MDGA2: variants seen among roughly 807,000 people sequenced by gnomAD.
MDGA2 encodes the protein MAM domain-containing glycosylphosphatidylinositol anchor protein 2.
Under a neutral mutation model 117.8 loss-of-function variants are expected in MDGA2, and 40 were observed. The ratio of observed to expected loss-of-function variants is 0.34; its 90% CI spans 0.26 to 0.44. MDGA2 has a LOEUF of 0.44. Among genes scored for constraint, MDGA2 ranks in the 20% least tolerant of loss-of-function variants. MDGA2 has a pLI of 1.00. For missense variants in MDGA2, 1,123 were observed against 1,250.6 expected, an observed-to-expected ratio of 0.90 and a Z score of 1.54; for synonymous variants, 452 against 439.0, an observed-to-expected ratio of 1.03 and a Z score of -0.37.
chr14:46,956,718 G>A (rs143009479), intron 9 of MDGA2, among the ~76,000 whole-genome samples: 2 of 151,824 alleles, frequency 1.3e-5, no homozygotes, highest in Non-Finnish European at 2.9e-5. Context: ...TATTATTATT[G>A]AAACACTCAA....
rs1893124870 is a variant in MDGA2 at position 47,446,473 on chromosome 14, G to A, written c.281-144923C>T. 3.9e-5 allele frequency among the ~76,000 whole-genome samples: 5 copies of A among 127,578 alleles called. No individual in the cohort carries two copies. In the South Asian group the frequency reaches 1.6e-3, roughly 41 times the overall value. The allele number at this position is 127,578 out of a possible 152,430, so 83.7% of individuals were successfully genotyped here. On this transcript the variant is annotated intron_variant, in intron 1 of 16. Coordinates refer to ENST00000399232, the MANE Select transcript of MDGA2 (RefSeq NM_001113498.3). Reference sequence around the variant, plus strand: ...ATATTATAGGTTTCCCCTTCCTTTAGGGTATGGTTCACTGTGAAATAAATG... The same window carrying A: ...ATATTATAGGTTTCCCCTTCCTTTAAGGTATGGTTCACTGTGAAATAAATG...
At position 47,288,671 on chromosome 14, in the gene MDGA2, A is replaced by C. The variant is rs567102583; in HGVS notation, c.420+12740T>G. On this transcript the variant is annotated intron_variant, in intron 2 of 16. Coordinates refer to ENST00000399232, the MANE Select transcript of MDGA2 (RefSeq NM_001113498.3). The stretch of plus-strand genomic sequence containing the variant: ...CAATGTTTGCTGATGGAAAAGGATA[A>C]AACTGCCAGGAAAATAAATGTTATT... Among the ~76,000 whole-genome samples the C allele has an allele frequency of 2.2e-4, 33 of 152,292 alleles. No individual in the cohort carries two copies. In the South Asian group the frequency reaches 6.4e-3, roughly 30 times the overall value.
At chr14:47,488,773 T>C (rs892257911) in intron 1 of MDGA2, among the ~76,000 whole-genome samples, 2 of 152,010 alleles carry the variant, frequency 1.3e-5, no homozygotes, top group Non-Finnish European at 2.9e-5. Flanking sequence ...TCAAGGATGA[T>C]AATTCATAAC....
intron 2 of MDGA2, among the ~76,000 whole-genome samples, chr14:47,257,860 G>A (rs1352092136): frequency 2.6e-5 from 4 of 151,948 alleles, no homozygotes; most frequent in Admixed American, 6.6e-5. Flanking sequence ...TTCCTCCTAG[G>A]TGACTTTTGA....
At chr14:46,987,786 G>T (rs1424505455) in intron 8 of MDGA2, among the ~76,000 whole-genome samples, 1 of 151,814 alleles carries the variant, frequency 6.6e-6, no homozygotes, top group Admixed American at 6.6e-5. Flanking sequence ...ATTTAACCTG[G>T]ATTAAGTTAA....
At chr14:47,181,721 T>G (rs1884713211) in intron 3 of MDGA2, among the ~76,000 whole-genome samples, 1 of 152,210 alleles carries the variant, frequency 6.6e-6, no homozygotes, top group African/African-American at 2.4e-5. Context: ...ACATCACATC[T>G]TTTGATCTTT....
chr14:47,545,400 G>A (rs1395411787), intron 1 of MDGA2, among the ~76,000 whole-genome samples: 1 of 152,146 alleles, frequency 6.6e-6, no homozygotes, highest in Admixed American at 6.5e-5. Context: ...AACATCTCAT[G>A]TTTCTATAGA....
chr14:47,196,828 C>T (rs1203250804), intron 3 of MDGA2, among the ~76,000 whole-genome samples: 1 of 152,134 alleles, frequency 6.6e-6, no homozygotes, highest in African/African-American at 2.4e-5. Context: ...CCACTCTCTA[C>T]CCTCAAGCAG....
At chr14:46,921,538 A>C (rs1041616924) in intron 9 of MDGA2, among the ~76,000 whole-genome samples, 1 of 150,698 alleles carries the variant, frequency 6.6e-6, no homozygotes, top group African/African-American at 2.4e-5. Context: ...GGATCACCTG[A>C]GTCTAGGGAG....
chr14:47,381,615 C>T (rs1891629794), intron 1 of MDGA2, among the ~76,000 whole-genome samples: 1 of 152,098 alleles, frequency 6.6e-6, no homozygotes, highest in Non-Finnish European at 1.5e-5. Flanking sequence ...TTCACAATTG[C>T]TACAAAGTGA....
chr14:47,077,439 T>G (rs892010561), intron 6 of MDGA2, among the ~76,000 whole-genome samples: 3 of 152,150 alleles, frequency 2.0e-5, no homozygotes, highest in African/African-American at 7.2e-5. Flanking sequence ...TGTTATTTTT[T>G]GTTTTCTTTT....
intron 1 of MDGA2, among the ~76,000 whole-genome samples, chr14:47,517,984 G>A (rs914502414): frequency 6.6e-6 from 1 of 152,058 alleles, no homozygotes. Context: ...GATGAGGAGA[G>A]AAAAATGTAT....
chr14:47,035,970 T>C (rs1806144557), intron 7 of MDGA2, among the ~76,000 whole-genome samples: 1 of 152,116 alleles, frequency 6.6e-6, no homozygotes, highest in African/African-American at 2.4e-5. Flanking sequence ...TTTCAACGAA[T>C]ATAAAAATTA....
intron 10 of MDGA2, among the ~76,000 whole-genome samples, chr14:46,906,515 A>G (rs1332023800): frequency 1.3e-5 from 2 of 152,128 alleles, no homozygotes; most frequent in Non-Finnish European, 2.9e-5. Flanking sequence ...GGCACTTTCT[A>G]GTAAAACCAT....
intron 3 of MDGA2, among the ~76,000 whole-genome samples, chr14:47,209,207 T>C (rs1885795711): frequency 6.6e-6 from 1 of 152,162 alleles, no homozygotes; most frequent in Non-Finnish European, 1.5e-5. Flanking sequence ...ATGTCTCCAA[T>C]TATAAGGTTC....
At position 46,917,997 on chromosome 14, in the gene MDGA2, G is replaced by T. The variant is rs577622944; in HGVS notation, c.2238+2015C>A. Among the ~76,000 whole-genome samples the T allele has an allele frequency of 3.9e-5, 6 of 152,220 alleles. No homozygotes were observed. The East Asian group carries it at 7.7e-4, about 20-fold the overall frequency. ...GCATCCACAACACAGATACTAAGTA[G>T]AAACAAAGTATTTGAGGTGCATAAA... On this transcript the variant is annotated intron_variant, in intron 10 of 16. Transcript: ENST00000399232.
At position 47,548,859 on chromosome 14, in the gene MDGA2, G is replaced by T. The variant is rs190703151; in HGVS notation, c.280+125658C>A. On this transcript the variant is annotated intron_variant, in intron 1 of 16. Coordinates refer to ENST00000399232, the MANE Select transcript of MDGA2 (RefSeq NM_001113498.3). ...TTTCCTTAAATTGTCCTTTAAAGTT[G>T]TAGTCAGTCTATTGTTTGGCCCAAA... Among the ~76,000 whole-genome samples the T allele has an allele frequency of 5.1e-4, 78 of 152,094 alleles. 1 individual carries two copies. The Middle Eastern group carries it at 0.01, about 20-fold the overall frequency.
intron 1 of MDGA2, among the ~76,000 whole-genome samples, chr14:47,550,198 T>A (rs778508788): frequency 2.6e-5 from 4 of 152,192 alleles, no homozygotes; most frequent in Non-Finnish European, 4.4e-5. Flanking sequence ...TCCCAGGTAC[T>A]CAGGTTCATA....
intron 10 of MDGA2, among the ~76,000 whole-genome samples, chr14:46,898,649 C>T (rs1275063893): frequency 6.6e-6 from 1 of 152,042 alleles, no homozygotes; most frequent in Non-Finnish European, 1.5e-5. Flanking sequence ...AGTATTATGG[C>T]AATCACATAT....
Sources: gnomAD v4.1 joint callset for allele counts (sites outside exome capture counted in the v4.1 genomes callset) on GRCh38, gnomAD v4.1.1 for gene constraint, MANE v1.5 for transcripts, NCBI Gene and HGNC (gene_info 2026-07-23, HGNC 2026-07-21) for gene names.